The following PDCD11 variants were observed in gnomAD, a reference collection of about 807,000 sequenced individuals.
The protein encoded by PDCD11 is programmed cell death 11, also known as protein RRP5 homolog.
Under a neutral mutation model 198.9 loss-of-function variants are expected in PDCD11, and 97 were observed. The ratio of observed to expected loss-of-function variants is 0.49; its 90% CI spans 0.41 to 0.58. PDCD11 has a LOEUF of 0.58. Among genes scored for constraint, PDCD11 ranks in the 20% least tolerant of loss-of-function variants. The pLI, the probability that PDCD11 is intolerant of heterozygous loss-of-function variation, is 0.00. For missense variants in PDCD11, 2,102 were observed against 2,312.7 expected, an observed-to-expected ratio of 0.91 and a Z score of 1.87; for synonymous variants, 893 against 918.0, an observed-to-expected ratio of 0.97 and a Z score of 0.49.
intron 16 of PDCD11, 111 bp downstream of exon 16, chr10:103,419,819 T>C (rs773968839): frequency 2.1e-6 from 2 of 949,658 alleles, no homozygotes; most frequent in Non-Finnish European, 3.1e-6. Context: ...TGAGACAGTC[T>C]TGTTCTGTCG....
chr10:103,412,271 G>C (rs924182933), intron 8 of PDCD11, among the ~76,000 whole-genome samples: 3 of 149,862 alleles, frequency 2.0e-5, no homozygotes, highest in Non-Finnish European at 3.0e-5. Flanking sequence ...AGTGATTCTT[G>C]TGCCTCAGCC....
chr10:103,405,321 T>G, intron 5 of PDCD11, 138 bp downstream of exon 5: 1 of 715,012 alleles, frequency 1.4e-6, no homozygotes, highest in East Asian at 2.7e-5. Flanking sequence ...GGAAGGTCTC[T>G]TGGGTTCTTT....
chr10:103,397,876 T>TCC (rs2093445491), intron 1 of PDCD11, among the ~76,000 whole-genome samples: 1 of 152,226 alleles, frequency 6.6e-6, no homozygotes, highest in Non-Finnish European at 1.5e-5. Context: ...GCTTTTCCCA[T>TCC]CCATGTCTTT....
intron 31 of PDCD11, 91 bp downstream of exon 31, chr10:103,442,066 T>C: frequency 6.4e-7 from 1 of 1,566,296 alleles, no homozygotes; most frequent in Non-Finnish European, 8.7e-7. Flanking sequence ...TCTTCCTGGG[T>C]GAGTGGGGGA....
Position 103,415,122 on chromosome 10 carries a change from T to C in PDCD11, c.1489T>C (p.Tyr497His), listed in dbSNP as rs1243789730. Residue 497 changes from tyrosine (Y) to histidine (H), a missense_variant, in exon 12 of 36, where the codon TAC (tyrosine) becomes CAC (histidine). Transcript: ENST00000369797. ...CCTGATGAAGAATCCGGAGAAGAAG[T>C]ACCACATCGGGGATGAGGTCAAGTG... ...DILMKNPEKKYHIGDEVKCRV... is the reference protein window; with the variant it reads ...DILMKNPEKKHHIGDEVKCRV... The C allele has an allele frequency of 3.1e-6, 5 of 1,613,994 alleles. No individual in the cohort carries two copies. The African/African-American group carries it at 4.0e-5, about 13-fold the overall frequency.
In PDCD11 at chr10:103,438,023, T is replaced by G; in HGVS notation, c.3854T>G (p.Ile1285Ser). 6.2e-7 allele frequency: 1 copy of G among 1,613,428 alleles called. No homozygotes were observed. The change falls in exon 26 of 36, where the codon ATC (isoleucine) becomes AGC (serine). Residue 1285 changes from isoleucine to serine, a missense_variant. Ile to Ser is a moderately radical substitution (Grantham distance 142, BLOSUM62 -2). Coordinates refer to ENST00000369797, the MANE Select transcript of PDCD11 (RefSeq NM_014976.2). ...FVPQKVVRCY[I>S]LSTADNVLTL... ...CTTTTGCCTTCATTCAGATGTTACA[T>G]CCTGTCCACTGCAGACAACGTATTG...
chr10:103,437,544 G>A (rs531651446), intron 25 of PDCD11, among the ~76,000 whole-genome samples: 4 of 152,250 alleles, frequency 2.6e-5, no homozygotes, highest in Admixed American at 1.3e-4. Flanking sequence ...CTGGAGTGCA[G>A]TGGCACGATC....
chr10:103,444,385 G>C, intron 34 of PDCD11, 132 bp from the exon 35 acceptor site: 1 of 877,200 alleles, frequency 1.1e-6, no homozygotes, highest in South Asian at 1.6e-5. Context: ...TTGGGTCTTT[G>C]TCCCTCTTGT....
In PDCD11 at chr10:103,442,441, C is replaced by T; in HGVS notation, c.4936C>T (p.Leu1646Phe). The T allele has an allele frequency of 6.2e-7, 1 of 1,613,912 alleles. No individual in the cohort carries two copies. Among genetic ancestry groups the T allele is most frequent in the Non-Finnish European group, 8.5e-7 (1 of 1,179,950 alleles). Residue 1646 changes from leucine to phenylalanine, a missense_variant, in exon 32 of 36, where the codon CTT (leucine) becomes TTT (phenylalanine). By Grantham distance (22) the Leu-to-Phe change is conservative (BLOSUM62 0). Coordinates refer to ENST00000369797, the MANE Select transcript of PDCD11 (RefSeq NM_014976.2). ...GGCCCGTGCCGTGGCTGAGAGGGCC[C>T]TTAAGACCATCTCCTTCAGGTCTCA... Reference protein sequence around the residue: ...EKARAVAERALKTISFREEQE... With the variant: ...EKARAVAERAFKTISFREEQE...
At chr10:103,431,739 C>T (rs781481732) in intron 21 of PDCD11, among the ~76,000 whole-genome samples, 1 of 152,146 alleles carries the variant, frequency 6.6e-6, no homozygotes, top group Non-Finnish European at 1.5e-5. Context: ...GGTTCAGTAG[C>T]ATAAAATGGG....
intron 8 of PDCD11, 36 bp from the exon 9 acceptor site, chr10:103,413,080 C>A (rs1458175133): frequency 1.3e-6 from 2 of 1,567,922 alleles, no homozygotes; most frequent in Non-Finnish European, 1.8e-6. Context: ...CTCCTGTGTG[C>A]CTCCTCCTGC....
intron 7 of PDCD11, 84 bp from the exon 8 acceptor site, chr10:103,409,615 A>C: frequency 1.2e-6 from 1 of 861,964 alleles, no homozygotes; most frequent in Non-Finnish European, 2.0e-6. Flanking sequence ...ATACTATGGC[A>C]TTGAGTGTTT....
chr10:103,414,182 C>T (rs2030970871), intron 10 of PDCD11, 88 bp from the exon 11 acceptor site: 4 of 1,581,274 alleles, frequency 2.5e-6, no homozygotes, highest in African/African-American at 2.7e-5. Context: ...GAAGGGTTTT[C>T]TTTCTTGCCA....
intron 16 of PDCD11, among the ~76,000 whole-genome samples, chr10:103,420,744 G>T (rs538156052): frequency 6.6e-6 from 1 of 152,348 alleles, no homozygotes; most frequent in South Asian, 2.1e-4. Context: ...CCAGTGAGGG[G>T]CAGAGGGTTC....
intron 34 of PDCD11, 181 bp from the exon 35 acceptor site, chr10:103,444,336 C>T (rs2032510353): frequency 4.7e-6 from 3 of 640,824 alleles, no homozygotes; most frequent in Non-Finnish European, 8.2e-6. Flanking sequence ...GGTGTGTCTG[C>T]AGTGCCCATC....
Position 103,440,842 on chromosome 10 carries a change from C to G in PDCD11, c.4549C>G (p.Leu1517Val), listed in dbSNP as rs1564778717. 6.2e-7 allele frequency: 1 copy of G among 1,608,970 alleles called. No homozygotes were observed. The highest frequency in any genetic ancestry group is 8.5e-7 in the Non-Finnish European group (1 of 1,176,930). Residue 1517 changes from leucine to valine, a missense_variant, in exon 30 of 36, where the codon CTG (leucine) becomes GTG (valine). By Grantham distance (32) the Leu-to-Val change is conservative (BLOSUM62 1). Coordinates refer to ENST00000369797, the MANE Select transcript of PDCD11 (RefSeq NM_014976.2). ...GKEEAEETNV[L>V]PKEKQTKPAE... ...AGAGGAGGCAGAAGAGACGAATGTG[C>G]TGCCCAAGGTGAGGGTGACGTCGCG...
chr10:103,439,749 T>C lies in PDCD11; in HGVS notation c.4029T>C (p.Leu1343=), dbSNP rs992316134. The part of the protein sequence containing the change: ...SIQPHGVFFR[L]GPSVVGLARY... ...ACTCTTGCCTCTCTCCTTTCAGCCT[T>C]GGCCCCTCCGTTGTGGGTTTGGCTC... The change falls in exon 28 of 36, where the codon CTT becomes CTC. Residue 1343 remains leucine, a synonymous_variant. Coordinates refer to ENST00000369797, the MANE Select transcript of PDCD11 (RefSeq NM_014976.2). 8.1e-6 allele frequency: 13 copies of C among 1,614,202 alleles called. No individual in the cohort carries two copies. Among genetic ancestry groups the C allele is most frequent in the South Asian group, 4.4e-5 (4 of 91,084 alleles).
At chr10:103,444,408 C>T (rs2032512818) in intron 34 of PDCD11, 109 bp from the exon 35 acceptor site, 2 of 1,117,470 alleles carry the variant, frequency 1.8e-6, no homozygotes, top group African/African-American at 1.5e-5. Context: ...CAACCTGAGT[C>T]TTGGGACCCA....
intron 2 of PDCD11, among the ~76,000 whole-genome samples, chr10:103,398,851 T>G (rs537265884): frequency 1.3e-5 from 2 of 152,256 alleles, no homozygotes; most frequent in Admixed American, 1.3e-4. Flanking sequence ...AAACCCCGTC[T>G]ATACTAATAC....
Sources: allele counts gnomAD v4.1 joint callset (sites outside exome capture counted in the v4.1 genomes callset), GRCh38; gene constraint gnomAD v4.1.1; transcripts MANE v1.5; gene names NCBI Gene and HGNC (gene_info 2026-07-23, HGNC 2026-07-21).